NCAM1: variants seen among roughly 807,000 people sequenced by gnomAD.
NCAM1 encodes antigen recognized by monoclonal antibody 5.1H11.
In NCAM1, 14 loss-of-function variants were observed where a neutral mutation model predicts 109.8. That is an observed-to-expected ratio of 0.13 (90% CI 0.08 to 0.20). The LOEUF (loss-of-function observed/expected upper bound fraction) is 0.20, where lower values mean the gene tolerates loss of function less well. Among genes scored for constraint, NCAM1 ranks in the 10% least tolerant of loss-of-function variants. The pLI is 1.00. For missense variants in NCAM1, 774 were observed against 1,109.9 expected, an observed-to-expected ratio of 0.70 and a Z score of 4.30; for synonymous variants, 418 against 442.9, an observed-to-expected ratio of 0.94 and a Z score of 0.70.
chr11:113,003,413 G>A (rs1203783723), intron 1 of NCAM1, among the ~76,000 whole-genome samples: 3 of 152,176 alleles, frequency 2.0e-5, no homozygotes, highest in African/African-American at 7.2e-5. Context: ...TATTGCAGTT[G>A]TCTTGTGTTG....
chr11:113,183,209 C>T (rs1943386836), intron 1 of NCAM1, among the ~76,000 whole-genome samples: 1 of 152,066 alleles, frequency 6.6e-6, no homozygotes, highest in African/African-American at 2.4e-5. Flanking sequence ...CCCACTTTGC[C>T]ACCCTCTGCC....
At chr11:113,251,133 G>A (rs1393653961) in intron 15 of NCAM1, among the ~76,000 whole-genome samples, 1 of 152,156 alleles carries the variant, frequency 6.6e-6, no homozygotes, top group Admixed American at 6.5e-5. Flanking sequence ...ATGCCTGTTT[G>A]GCACCCCAGC....
In NCAM1 at chr11:113,255,053, T is replaced by C. The variant is rs995406717; in HGVS notation, c.1829-824T>C. Among the ~76,000 whole-genome samples the C allele has an allele frequency of 2.0e-5, 3 of 152,362 alleles. No homozygotes were observed. In the East Asian group the frequency reaches 5.8e-4, roughly 29 times the overall value. On this transcript the variant is annotated intron_variant, in intron 15 of 19. Transcript: ENST00000316851. ...GATTCACAGTGCTACAAGCTGAGTG[T>C]ATACTGCAAATCAAGAAACAACTGT...
At position 113,125,159 on chromosome 11, in the gene NCAM1, T is replaced by C. The variant is rs149828639; in HGVS notation, c.53-77220T>C. On this transcript the variant is annotated intron_variant, in intron 1 of 19. Transcript: ENST00000316851. ...ACAGTTGGGTAGTAACTTTTTGATA[T>C]TGTTTTGATGAATGGATGGCTTTGC... Among the ~76,000 whole-genome samples the C allele has an allele frequency of 4.4e-3, 668 of 152,298 alleles. 1 individual carries two copies. Among genetic ancestry groups the C allele is most frequent in the Non-Finnish European group, 5.6e-3 (379 of 68,028 alleles).
intron 1 of NCAM1, among the ~76,000 whole-genome samples, chr11:113,146,584 A>G (rs1555101361): frequency 6.6e-6 from 1 of 152,228 alleles, no homozygotes. Context: ...CAAAACTTTC[A>G]GAAAATATCT....
intron 1 of NCAM1, among the ~76,000 whole-genome samples, chr11:113,062,285 G>A (rs1220911693): frequency 6.6e-6 from 1 of 152,146 alleles, no homozygotes; most frequent in Non-Finnish European, 1.5e-5. Flanking sequence ...GCACCACTGA[G>A]TGGTGTTCTG....
chr11:113,081,545 T>C (rs782475025), intron 1 of NCAM1, among the ~76,000 whole-genome samples: 19 of 138,708 alleles, frequency 1.4e-4, no homozygotes, highest in Non-Finnish European at 2.3e-4. Flanking sequence ...ATCTTTTCTT[T>C]TTTTCTTTTT....
chr11:113,267,901 C>A (rs1946169856), intron 17 of NCAM1, among the ~76,000 whole-genome samples: 1 of 152,186 alleles, frequency 6.6e-6, no homozygotes, highest in South Asian at 2.1e-4. Flanking sequence ...ATTAGTTTCA[C>A]AAAATCATAT....
chr11:113,142,600 A>G (rs1385255007), intron 1 of NCAM1, among the ~76,000 whole-genome samples: 1 of 152,100 alleles, frequency 6.6e-6, no homozygotes, highest in African/African-American at 2.4e-5. Flanking sequence ...AACATGTGCA[A>G]AGTAGCTGGG....
chr11:113,009,007 G>T (rs1353442352), intron 1 of NCAM1, among the ~76,000 whole-genome samples: 1 of 152,182 alleles, frequency 6.6e-6, no homozygotes, highest in African/African-American at 2.4e-5. Flanking sequence ...GGCCTCAGGG[G>T]TGTCACAGCG....
intron 1 of NCAM1, among the ~76,000 whole-genome samples, chr11:113,104,212 G>A (rs879966231): frequency 3.9e-5 from 5 of 129,758 alleles, no homozygotes; most frequent in Admixed American, 7.6e-5. Context: ...TGGGGTGGGG[G>A]GGGGGGCGGG....
At chr11:113,191,852 G>A (rs1943688596) in intron 1 of NCAM1, among the ~76,000 whole-genome samples, 1 of 151,844 alleles carries the variant, frequency 6.6e-6, no homozygotes, top group Admixed American at 6.6e-5. Context: ...CTTTGCACTG[G>A]TTGTTGGAGA....
At chr11:113,058,188 G>A (rs782637144) in intron 1 of NCAM1, among the ~76,000 whole-genome samples, 6 of 152,174 alleles carry the variant, frequency 3.9e-5, no homozygotes, top group Admixed American at 2.6e-4. Context: ...GGAGACTGAC[G>A]CAGGAGAATC....
chr11:113,162,129 G>A (rs1176740789), intron 1 of NCAM1, among the ~76,000 whole-genome samples: 1 of 152,174 alleles, frequency 6.6e-6, no homozygotes, highest in Non-Finnish European at 1.5e-5. Flanking sequence ...AGTTCCTTGG[G>A]GGGAGGAGCA....
At chr11:113,259,262 G>A (rs1395153129) in intron 16 of NCAM1, among the ~76,000 whole-genome samples, 2 of 151,406 alleles carry the variant, frequency 1.3e-5, no homozygotes, top group South Asian at 2.1e-4. Context: ...CGTTTTAGCC[G>A]GGATGGTCTC....
At chr11:113,009,568 T>A (rs1951990785) in intron 1 of NCAM1, among the ~76,000 whole-genome samples, 1 of 151,992 alleles carries the variant, frequency 6.6e-6, no homozygotes, top group Non-Finnish European at 1.5e-5. Flanking sequence ...AGTCTCTGTA[T>A]GTGAGAGTGA....
chr11:113,252,355 A>G (rs1381341799), intron 15 of NCAM1, among the ~76,000 whole-genome samples: 1 of 148,150 alleles, frequency 6.7e-6, no homozygotes. Context: ...GCAGTGAGCT[A>G]TGATTGTGCC....
intron 1 of NCAM1, among the ~76,000 whole-genome samples, chr11:113,080,698 G>C (rs1489425106): frequency 6.6e-6 from 1 of 152,222 alleles, no homozygotes; most frequent in Admixed American, 6.5e-5. Flanking sequence ...GGACATGGCT[G>C]TGACTACATT....
chr11:112,974,036 A>G (rs193111317), intron 1 of NCAM1, among the ~76,000 whole-genome samples: 6 of 152,264 alleles, frequency 3.9e-5, no homozygotes, highest in Non-Finnish European at 7.4e-5. Context: ...TGGTTGAGCC[A>G]TAAAATTTAG....
Sources: allele counts gnomAD v4.1 joint callset (sites outside exome capture counted in the v4.1 genomes callset), GRCh38; gene constraint gnomAD v4.1.1; transcripts MANE v1.5; gene names NCBI Gene and HGNC (gene_info 2026-07-23, HGNC 2026-07-21).